The following LCK variants were observed in gnomAD, a reference collection of about 807,000 sequenced individuals.
LCK encodes LCK proto-oncogene, Src family tyrosine kinase, also known as tyrosine-protein kinase Lck.
LCK carries 14 observed loss-of-function variants against 64.6 expected under a neutral mutation model. That is an observed-to-expected ratio of 0.22 (90% CI 0.14 to 0.34). The LOEUF is 0.34. Ranked by LOEUF, LCK falls within the 10% of genes least tolerant of loss-of-function variation. The pLI, the probability that LCK is intolerant of heterozygous loss-of-function variation, is 1.00. For synonymous variants in LCK, 277 were observed against 263.6 expected, an observed-to-expected ratio of 1.05 and a Z score of -0.49; for missense variants, 434 against 668.1, an observed-to-expected ratio of 0.65 and a Z score of 3.86.
Position 32,275,187 on chromosome 1 carries a change from T to C in LCK, c.278+104T>C, listed in dbSNP as rs959930352. 2.0e-6 allele frequency: 3 copies of C among 1,466,520 alleles called. No individual in the cohort carries two copies. Among genetic ancestry groups the C allele is most frequent in the East Asian group, 2.3e-5 (1 of 43,718 alleles). The allele number at this position is 1,466,520 out of a possible 1,614,324, so 90.8% of individuals were successfully genotyped here. On this transcript the variant is annotated intron_variant, in intron 4 of 12. Transcript: ENST00000336890. This position sits in a 1 kb window ranked among gnomAD's most constrained non-coding sequence, Gnocchi z 6.9. ...CTTGACCAGCTCGGGGTGGCCGCCCTTGGGACAAAATTCGAGGCTCAGTAT... is the reference window on the plus strand; with the variant it reads ...CTTGACCAGCTCGGGGTGGCCGCCCCTGGGACAAAATTCGAGGCTCAGTAT...
intron 1 of LCK, among the ~76,000 whole-genome samples, chr1:32,256,889 T>A (rs1639645380): frequency 6.6e-6 from 1 of 152,216 alleles, no homozygotes; most frequent in African/African-American, 2.4e-5. Context: ...TTGTTTCACT[T>A]CTATTTATGT....
At chr1:32,265,004 C>T (rs1480647368) in intron 1 of LCK, among the ~76,000 whole-genome samples, 1 of 151,978 alleles carries the variant, frequency 6.6e-6, no homozygotes, top group African/African-American at 2.4e-5. Context: ...GTCAGGAGTT[C>T]AAGACCAGCT....
intron 1 of LCK, among the ~76,000 whole-genome samples, chr1:32,261,595 G>A (rs1171210034): frequency 3.4e-5 from 5 of 146,882 alleles, no homozygotes; most frequent in Non-Finnish European, 6.0e-5. Flanking sequence ...GCAGTGAGCC[G>A]AGATCGTGCC....
chr1:32,254,449 T>C (rs1273074361), intron 1 of LCK, among the ~76,000 whole-genome samples: 1 of 152,144 alleles, frequency 6.6e-6, no homozygotes. Context: ...GCCTCCCCAG[T>C]AACTGGGATT....
Position 32,275,036 on chromosome 1 carries a change from C to G in LCK, c.231C>G (p.Asp77Glu). 2 of 1,614,166 alleles carry G rather than the reference C, an allele frequency of 1.2e-6. No homozygotes were observed. The highest frequency in any genetic ancestry group is 1.7e-6 in the Non-Finnish European group (2 of 1,180,014). The stretch of plus-strand genomic sequence containing the variant: ...TGCACAGCTATGAGCCCTCTCACGA[C>G]GGAGATCTGGGCTTTGAGAAGGGGG... ...IALHSYEPSH[D>E]GDLGFEKGEQ... is the part of the protein sequence containing the mutation. The change falls in exon 4 of 13, where the codon GAC becomes GAG. Residue 77 changes from aspartate to glutamate, a missense_variant. Asp to Glu is a conservative substitution (Grantham distance 45). This residue lies in a region of LCK where 233 missense variants were observed against 291.2 expected (regional missense o/e 0.80). Coordinates refer to ENST00000336890, the MANE Select transcript of LCK (RefSeq NM_005356.5). The surrounding 1 kb of genome is among the most constrained non-coding windows in gnomAD (Gnocchi z 6.9).
In LCK at chr1:32,275,353, C is replaced by T. The variant is rs112957416; in HGVS notation, c.311C>T (p.Thr104Ile). The change falls in exon 5 of 13, where the codon ACC becomes ATC. Residue 104 changes from threonine to isoleucine, a missense_variant. Physicochemically the swap from Thr to Ile is moderately conservative, Grantham distance 89 (BLOSUM62 -1). This residue lies in a region of LCK where 233 missense variants were observed against 291.2 expected (regional missense o/e 0.80). Coordinates refer to ENST00000336890, the MANE Select transcript of LCK (RefSeq NM_005356.5). The surrounding 1 kb of genome is among the most constrained non-coding windows in gnomAD (Gnocchi z 6.9). ...SGEWWKAQSL[T>I]TGQEGFIPFN... Reference sequence around the variant, plus strand: ...GAGTGGTGGAAGGCGCAGTCCCTGACCACGGGCCAGGAAGGCTTCATCCCC... The same window carrying T: ...GAGTGGTGGAAGGCGCAGTCCCTGATCACGGGCCAGGAAGGCTTCATCCCC... The T allele has an allele frequency of 1.2e-6, 2 of 1,614,072 alleles. No homozygotes were observed. The highest frequency in any genetic ancestry group is 2.7e-5 in the African/African-American group (2 of 74,934).
chr1:32,279,632 G>T, intron 9 of LCK, 39 bp from the exon 10 acceptor site: 3 of 1,613,800 alleles, frequency 1.9e-6, no homozygotes, highest in Non-Finnish European at 2.5e-6. Context: ...GCCTCCCCCT[G>T]GGGCAACTTG....
chr1:32,260,663 C>T (rs1639744750), intron 1 of LCK, among the ~76,000 whole-genome samples: 1 of 152,092 alleles, frequency 6.6e-6, no homozygotes, highest in Admixed American at 6.6e-5. Context: ...TGCTCTTTCC[C>T]CCAGGCTAGA....
intron 9 of LCK, among the ~76,000 whole-genome samples, chr1:32,279,018 GT>G (rs1640368238): frequency 6.6e-6 from 1 of 152,170 alleles, no homozygotes; most frequent in Non-Finnish European, 1.5e-5. Context: ...TCAGCACATA[GT>G]TATTGTTTCT....
In LCK at chr1:32,286,090, C is replaced by A; in HGVS notation, c.*374C>A. 3.0e-6 allele frequency: 1 copy of A among 338,648 alleles called. No individual in the cohort carries two copies. The highest frequency in any genetic ancestry group is 5.5e-6 in the Non-Finnish European group (1 of 180,452). The allele number at this position is 338,648 out of a possible 1,614,324, so 21.0% of individuals were successfully genotyped here. ...TCAAGGGCCAGGACTTTATCTAATA[C>A]CTCTGTGTGCTCCTCCTTGGTGCCT... On this transcript the variant is annotated 3_prime_UTR_variant, in exon 13 of 13. Transcript: ENST00000336890.
intron 1 of LCK, among the ~76,000 whole-genome samples, chr1:32,253,850 GACACACACAC>G (rs72025731): frequency 6.7e-6 from 1 of 148,562 alleles, no homozygotes; most frequent in Non-Finnish European, 1.5e-5. Flanking sequence ...GCCACACACA[GACACACACAC>G]ACACACACAC....
chr1:32,266,215 G>A (rs865953261), intron 1 of LCK, among the ~76,000 whole-genome samples: 9 of 152,090 alleles, frequency 5.9e-5, no homozygotes, highest in Middle Eastern at 3.4e-3. Flanking sequence ...CCTCCTGGCC[G>A]GGCACGGTGG....
At chr1:32,252,031 T>C (rs900707443) in intron 1 of LCK, among the ~76,000 whole-genome samples, 7 of 152,072 alleles carry the variant, frequency 4.6e-5, no homozygotes, top group Non-Finnish European at 8.8e-5. Context: ...TGAACTGATA[T>C]GTGTGGGGGT....
At chr1:32,272,623 A>AAGAGAGAG (rs145594259) in intron 1 of LCK, among the ~76,000 whole-genome samples, 1 of 123,146 alleles carries the variant, frequency 8.1e-6, no homozygotes, top group Non-Finnish European at 1.7e-5. Context: ...GAGAGAGAGA[A>AAGAGAGAG]AGAGAGAGAG....
At chr1:32,273,335 A>AG (rs1301091046) in intron 1 of LCK, among the ~76,000 whole-genome samples, 1 of 125,830 alleles carries the variant, frequency 7.9e-6, no homozygotes, top group Non-Finnish European at 1.7e-5. Flanking sequence ...GAGGTGGGAT[A>AG]GGGGGTGCCT....
In LCK at chr1:32,275,174, G is replaced by A. The variant is rs1448771225; in HGVS notation, c.278+91G>A. 1.3e-5 allele frequency: 19 copies of A among 1,472,288 alleles called. No individual in the cohort carries two copies. The highest frequency in any genetic ancestry group is 1.8e-5 in the Non-Finnish European group (19 of 1,062,578). 91.2% of individuals were successfully genotyped at this position (1,472,288 alleles called of 1,614,324 possible). A position where few individuals can be genotyped will look rare whatever the true frequency, so the allele number is the denominator to read the frequency against. On this transcript the variant is annotated intron_variant, in intron 4 of 12. Transcript: ENST00000336890. The surrounding 1 kb of genome is among the most constrained non-coding windows in gnomAD (Gnocchi z 6.9). ...CCCTCCTGCGGCCCTTGACCAGCTC[G>A]GGGTGGCCGCCCTTGGGACAAAATT...
intron 2 of LCK, 136 bp from the exon 3 acceptor site, chr1:32,274,601 C>T: frequency 1.1e-6 from 1 of 920,980 alleles, no homozygotes; most frequent in Non-Finnish European, 1.6e-6. Context: ...CCTAAGATCA[C>T]ACAGAAAGTA....
At chr1:32,274,141 G>A in intron 1 of LCK, 184 bp from the exon 2 acceptor site, 1 of 1,319,104 alleles carries the variant, frequency 7.6e-7, no homozygotes, top group Middle Eastern at 1.9e-4. Context: ...TGAGGGCTCA[G>A]AGGGAGCACC....
At position 32,276,635 on chromosome 1, in the gene LCK, G is replaced by C. The variant is rs748088071; in HGVS notation, c.813G>C (p.Ala271=). 6 of 1,613,320 alleles carry C rather than the reference G, an allele frequency of 3.7e-6. No homozygotes were observed. Among genetic ancestry groups the C allele is most frequent in the Non-Finnish European group, 5.1e-6 (6 of 1,179,606 alleles). ...ACTACAACGGGCACACGAAGGTGGC[G>C]GTGAAGAGCCTGAAGCAGGGCAGCA... is the stretch of plus-strand genomic sequence containing the variant. ...MGYYNGHTKV[A]VKSLKQGSMS... The change falls in exon 9 of 13, where the codon GCG becomes GCC. Residue 271 remains alanine, a synonymous_variant. Transcript: ENST00000336890. This position sits in a 1 kb window ranked among gnomAD's most constrained non-coding sequence, Gnocchi z 4.6.
Sources: allele counts gnomAD v4.1 joint callset (sites outside exome capture counted in the v4.1 genomes callset), GRCh38; gene constraint gnomAD v4.1.1; regional missense constraint gnomAD v4.1.1; non-coding constraint Gnocchi (gnomAD v3.1); transcripts MANE v1.5; gene names NCBI Gene and HGNC (gene_info 2026-07-23, HGNC 2026-07-21).